Variants in RICTOR observed in about 807,000 individuals in gnomAD.
RICTOR encodes the protein rapamycin-insensitive companion of mTOR.
A neutral mutation model predicts 214.9 loss-of-function variants in RICTOR; 49 were observed. The ratio of observed to expected loss-of-function variants is 0.23; its 90% CI spans 0.18 to 0.29. The LOEUF is 0.29. Among genes scored for constraint, RICTOR ranks in the 10% least tolerant of loss-of-function variants. The probability of loss-of-function intolerance (pLI) is 1.00; values close to 1 mark genes in which losing one functional copy is unlikely to be tolerated. For missense variants in RICTOR, 1,625 were observed against 2,047.0 expected (o/e 0.79, Z 3.98); for synonymous variants, 717 against 711.3 (o/e 1.01, Z -0.13).
At chr5:38,952,169 T>G (rs1156577098) in intron 30 of RICTOR, 27 bp downstream of exon 30, 17 of 1,315,156 alleles carry the variant, frequency 1.3e-5, no homozygotes, top group Non-Finnish European at 1.7e-5. Context: ...ATTGGCTAAC[T>G]TTATATGAAC....
Position 38,950,280 on chromosome 5 carries a change from C to T in RICTOR, c.3568G>A (p.Gly1190Ser). 6.2e-7 allele frequency: 1 copy of T among 1,613,300 alleles called. No homozygotes were observed. The highest frequency in any genetic ancestry group is 8.5e-7 in the Non-Finnish European group (1 of 1,179,488). ...ENDLKFTKNF[G>S]TENHRENTSR... Reference sequence around the variant, plus strand: ...GTATTTTCTCTGTGATTCTCTGTACCAAAATTCTTGGTGAATTTTAAGTCA... The same window carrying T: ...GTATTTTCTCTGTGATTCTCTGTACTAAAATTCTTGGTGAATTTTAAGTCA... The change falls in exon 31 of 38, where the codon GGT (glycine) becomes AGT (serine). Residue 1190 changes from glycine (G) to serine (S), a missense_variant. By Grantham distance (56) the Gly-to-Ser change is moderately conservative (BLOSUM62 0). Around this residue, in one of 5 missense-constraint regions of RICTOR, gnomAD observed 1,214 missense variants for 1,470.5 expected, o/e 0.83. Coordinates refer to ENST00000357387, the MANE Select transcript of RICTOR (RefSeq NM_152756.5).
chr5:39,065,867 G>A (rs952581890), intron 2 of RICTOR, among the ~76,000 whole-genome samples: 10 of 152,206 alleles, frequency 6.6e-5, no homozygotes, highest in African/African-American at 2.4e-4. Flanking sequence ...GGCTTTGCAG[G>A]GTTTAGCCCC....
intron 32 of RICTOR, 35 bp from the exon 33 acceptor site, chr5:38,946,587 A>G: frequency 7.6e-7 from 1 of 1,309,256 alleles, no homozygotes; most frequent in Non-Finnish European, 1.1e-6. Flanking sequence ...AAGTCCTGCT[A>G]TAAAAATAAG....
In RICTOR at chr5:38,971,976, G is replaced by GA. The variant is rs200731956; in HGVS notation, c.890-18dup. The GA allele has an allele frequency of 1.9e-3, 2,121 of 1,111,680 alleles. 4 individuals are homozygous for GA. The highest frequency in any genetic ancestry group is 6.3e-3 in the Admixed American group (284 of 44,932). 68.9% of individuals were successfully genotyped at this position (1,111,680 alleles called of 1,614,324 possible). On this transcript the variant is annotated splice_polypyrimidine_tract_variant and intron_variant, in intron 10 of 37. Transcript: ENST00000357387. ...TAATAATACCTAAAGAGGACAGAAA[G>GA]AAAAAAAAATCACTGACATGAATTT... is the stretch of plus-strand genomic sequence containing the variant.
chr5:39,035,138 A>G (rs1661925935), intron 2 of RICTOR, among the ~76,000 whole-genome samples: 1 of 152,172 alleles, frequency 6.6e-6, no homozygotes, highest in Non-Finnish European at 1.5e-5. Context: ...CAGAGGAACA[A>G]TCAGGCAGCA....
At chr5:39,030,078 T>G (rs1028334698) in intron 2 of RICTOR, among the ~76,000 whole-genome samples, 1 of 152,154 alleles carries the variant, frequency 6.6e-6, no homozygotes, top group South Asian at 2.1e-4. Context: ...ATATTCCATA[T>G]AGAAATATTC....
At chr5:38,960,562 G>A in intron 19 of RICTOR, 29 bp from the exon 20 acceptor site, 2 of 1,605,472 alleles carry the variant, frequency 1.2e-6, no homozygotes, top group South Asian at 1.1e-5. Context: ...TAGCAAAAAG[G>A]TAAGAAATGA....
chr5:39,044,923 A>G (rs1757391870), intron 2 of RICTOR, among the ~76,000 whole-genome samples: 1 of 152,178 alleles, frequency 6.6e-6, no homozygotes, highest in Non-Finnish European at 1.5e-5. Context: ...CCCTTACCTA[A>G]TCTTTTAATC....
At position 38,990,697 on chromosome 5, in the gene RICTOR, TATATCAG is replaced by T. The variant is rs1168049885; in HGVS notation, c.583+245_583+251del. On this transcript the variant is annotated intron_variant, in intron 7 of 37. Transcript: ENST00000357387. ...TATCAGATATATCATATATATGATA[TATATCAG>T]ATATGATATATATGATATATATCAT... 1.4e-4 allele frequency among the ~76,000 whole-genome samples: 18 copies of T among 126,124 alleles called. 1 individual carries two copies. The highest frequency in any genetic ancestry group is 4.8e-4 in the African/African-American group (16 of 33,452). 82.7% of individuals were successfully genotyped at this position (126,124 alleles called of 152,430 possible). A position where few individuals can be genotyped will look rare whatever the true frequency, so the allele number is the denominator to read the frequency against.
chr5:38,986,026 T>C (rs1283551793), intron 7 of RICTOR, among the ~76,000 whole-genome samples: 1 of 152,108 alleles, frequency 6.6e-6, no homozygotes, highest in Non-Finnish European at 1.5e-5. Context: ...GCATAATGGA[T>C]TGTTTACTGT....
chr5:38,995,156 T>C (rs1753086426), intron 6 of RICTOR, among the ~76,000 whole-genome samples: 1 of 152,200 alleles, frequency 6.6e-6, no homozygotes, highest in African/African-American at 2.4e-5. Context: ...GAAAATATAG[T>C]CATTCCTAAG....
intron 2 of RICTOR, among the ~76,000 whole-genome samples, chr5:39,062,743 T>C (rs1011683113): frequency 1.2e-4 from 19 of 152,248 alleles, no homozygotes; most frequent in South Asian, 4.1e-4. Context: ...CTATTCATTA[T>C]AGGAAACACA....
intron 6 of RICTOR, among the ~76,000 whole-genome samples, chr5:38,996,341 G>C (rs527992029): frequency 1.3e-5 from 2 of 152,270 alleles, no homozygotes; most frequent in South Asian, 4.2e-4. Context: ...TGGAGTGTAG[G>C]CTGTGACCTT....
intron 2 of RICTOR, 47 bp downstream of exon 2, chr5:39,074,064 C>G (rs769581018): frequency 7.3e-5 from 108 of 1,485,354 alleles, no homozygotes; most frequent in Non-Finnish European, 9.0e-5. Flanking sequence ...GGACCCGGCT[C>G]CTCCCCAGCA....
chr5:39,042,978 A>G (rs527727882), intron 2 of RICTOR, among the ~76,000 whole-genome samples: 1 of 152,296 alleles, frequency 6.6e-6, no homozygotes, highest in East Asian at 1.9e-4. Flanking sequence ...AAAAAGTAAC[A>G]AATGTGGAAA....
Position 39,074,129 on chromosome 5 carries a change from G to C in RICTOR, c.79C>G (p.Pro27Ala). The change falls in exon 2 of 38, where the codon CCG becomes GCG. Residue 27 changes from proline (P) to alanine (A), a missense_variant. By Grantham distance (27) the Pro-to-Ala change is conservative (BLOSUM62 -1). Transcript: ENST00000357387. The stretch of plus-strand genomic sequence containing the variant: ...GCGTTACCTCGGGTCAGATCCAGCG[G>C]GACGTTCTCCTCGCCGCTGTCATTC... ...GRNDSGEENV[P>A]LDLTREPSDN... 1 of 1,585,192 alleles carries C rather than the reference G, an allele frequency of 6.3e-7. No homozygotes were observed. Among genetic ancestry groups the C allele is most frequent in the Non-Finnish European group, 8.6e-7 (1 of 1,167,914 alleles).
chr5:38,990,713 T>G (rs1259479762), intron 7 of RICTOR, among the ~76,000 whole-genome samples: 1 of 118,840 alleles, frequency 8.4e-6, no homozygotes, highest in East Asian at 2.9e-4. Flanking sequence ...AGATATGATA[T>G]ATATGATATA....
chr5:38,996,895 C>T lies in RICTOR; in HGVS notation c.393-13G>A, dbSNP rs1244451356. 4 of 1,581,212 alleles carry T rather than the reference C, an allele frequency of 2.5e-6. No homozygotes were observed. Among genetic ancestry groups the T allele is most frequent in the Admixed American group, 3.4e-5 (2 of 59,570 alleles). ...TATGTCAATGCACCTAAACAATACA[C>T]AAAATATTAATCATTGATAAAATTC... On this transcript the variant is annotated splice_polypyrimidine_tract_variant and intron_variant, in intron 5 of 37. Transcript: ENST00000357387.
chr5:39,045,068 A>C (rs773237178), intron 2 of RICTOR, among the ~76,000 whole-genome samples: 1 of 152,186 alleles, frequency 6.6e-6, no homozygotes, highest in Non-Finnish European at 1.5e-5. Flanking sequence ...CTTAGACTTC[A>C]TCTCTTTCCC....
Sources: gnomAD v4.1 joint callset for allele counts (sites outside exome capture counted in the v4.1 genomes callset) on GRCh38, gnomAD v4.1.1 for gene constraint, gnomAD v4.1.1 regional missense constraint, MANE v1.5 for transcripts, NCBI Gene and HGNC (gene_info 2026-07-23, HGNC 2026-07-21) for gene names.